Variants in LONP2 observed in about 807,000 individuals in gnomAD.
The protein encoded by LONP2 is lon peptidase 2, peroxisomal, also known as lon protease homolog 2, peroxisomal.
A neutral mutation model predicts 85.6 loss-of-function variants in LONP2; 60 were observed. That is an observed-to-expected ratio of 0.70 (90% CI 0.57 to 0.87). The LOEUF (loss-of-function observed/expected upper bound fraction) is 0.87. Ranked by LOEUF, LONP2 falls within the 40% of genes least tolerant of loss-of-function variation. The pLI is 0.00. For missense variants in LONP2, 860 were observed against 1,063.5 expected, an observed-to-expected ratio of 0.81 and a Z score of 2.66; for synonymous variants, 395 against 389.7, an observed-to-expected ratio of 1.01 and a Z score of -0.16.
At chr16:48,329,944 T>C (rs1450685557) in intron 11 of LONP2, among the ~76,000 whole-genome samples, 1 of 152,228 alleles carries the variant, frequency 6.6e-6, no homozygotes, top group Non-Finnish European at 1.5e-5. Flanking sequence ...CCTGTACTTT[T>C]GTGTATTTCC....
chr16:48,263,126 C>T (rs1320409793), intron 6 of LONP2, among the ~76,000 whole-genome samples: 2 of 152,098 alleles, frequency 1.3e-5, no homozygotes, highest in Non-Finnish European at 2.9e-5. Flanking sequence ...TAAACATATC[C>T]GTCACCTCCA....
chr16:48,320,457 A>C (rs1242836554), intron 11 of LONP2, among the ~76,000 whole-genome samples: 3 of 152,108 alleles, frequency 2.0e-5, no homozygotes, highest in African/African-American at 7.2e-5. Flanking sequence ...GCACTGGCTC[A>C]TTGGTACTAA....
intron 8 of LONP2, among the ~76,000 whole-genome samples, chr16:48,291,496 T>G (rs1414625611): frequency 6.6e-6 from 1 of 152,228 alleles, no homozygotes; most frequent in African/African-American, 2.4e-5. Context: ...CCTCCCACGG[T>G]TCATCCCATT....
chr16:48,319,016 C>CAT (rs1046362968), intron 11 of LONP2, among the ~76,000 whole-genome samples: 1 of 150,688 alleles, frequency 6.6e-6, no homozygotes, highest in African/African-American at 2.4e-5. Context: ...AAATCTGAAA[C>CAT]ATATCCATTC....
intron 1 of LONP2, among the ~76,000 whole-genome samples, chr16:48,246,339 C>G (rs80041166): frequency 8.9e-4 from 135 of 152,310 alleles, no homozygotes; most frequent in Non-Finnish European, 1.8e-3. Context: ...ACATACGACT[C>G]TGCTCCTTCT....
intron 1 of LONP2, among the ~76,000 whole-genome samples, chr16:48,247,098 G>A (rs1971431803): frequency 6.6e-6 from 1 of 152,296 alleles, no homozygotes; most frequent in African/African-American, 2.4e-5. Flanking sequence ...AGACCATCTA[G>A]TTATCCTAGA....
At chr16:48,288,142 GTCT>G (rs1175864782) in intron 8 of LONP2, among the ~76,000 whole-genome samples, 6 of 147,624 alleles carry the variant, frequency 4.1e-5, no homozygotes, top group African/African-American at 9.9e-5. Context: ...GAATGTATTA[GTCT>G]TCTTCTTTTT....
chr16:48,258,781 A>G, intron 4 of LONP2, 41 bp downstream of exon 4: 7 of 1,555,544 alleles, frequency 4.5e-6, no homozygotes, highest in Middle Eastern at 1.7e-4. Context: ...TGAAAAAAAA[A>G]TAAGGAGAAT....
intron 10 of LONP2, among the ~76,000 whole-genome samples, chr16:48,300,092 G>A (rs895722149): frequency 1.3e-5 from 2 of 152,200 alleles, no homozygotes; most frequent in African/African-American, 4.8e-5. Flanking sequence ...TGCCACAATA[G>A]CAATATAAGG....
At chr16:48,316,641 A>G (rs771791251) in intron 11 of LONP2, among the ~76,000 whole-genome samples, 3 of 152,064 alleles carry the variant, frequency 2.0e-5, no homozygotes, top group Non-Finnish European at 4.4e-5. Context: ...TTCTTTGTAT[A>G]TATATGGACT....
At chr16:48,272,683 A>G (rs1223450904) in intron 7 of LONP2, among the ~76,000 whole-genome samples, 1 of 152,176 alleles carries the variant, frequency 6.6e-6, no homozygotes, top group Non-Finnish European at 1.5e-5. Context: ...CATTCTATTC[A>G]GCCTGATTTT....
intron 11 of LONP2, among the ~76,000 whole-genome samples, chr16:48,328,268 G>A (rs1045035431): frequency 9.2e-5 from 14 of 152,012 alleles, no homozygotes; most frequent in African/African-American, 3.4e-4. Flanking sequence ...AAATTGGGCC[G>A]GGCGCGGTGG....
At chr16:48,284,501 C>T (rs1331611374) in intron 8 of LONP2, among the ~76,000 whole-genome samples, 1 of 152,106 alleles carries the variant, frequency 6.6e-6, no homozygotes, top group Non-Finnish European at 1.5e-5. Flanking sequence ...AGTCATCAAC[C>T]ATTAATATTG....
At chr16:48,336,273 G>C in intron 12 of LONP2, 1 of 443,382 alleles carries the variant, frequency 2.3e-6, no homozygotes, top group Non-Finnish European at 4.5e-6. Context: ...CTGCTTACCA[G>C]TTATCCTTGT....
At chr16:48,359,715 T>C (rs1960504670), downstream of LONP2, among the ~76,000 whole-genome samples, 2 of 150,694 alleles carry the variant, frequency 1.3e-5, no homozygotes, top group Admixed American at 1.3e-4. Context: ...AAACTCCGTC[T>C]CAAAAAAAAA....
At chr16:48,339,112 G>C (rs1959741335) in intron 12 of LONP2, among the ~76,000 whole-genome samples, 1 of 152,134 alleles carries the variant, frequency 6.6e-6, no homozygotes, top group African/African-American at 2.4e-5. Context: ...TAGTCTAGAA[G>C]CAAGCCCTGA....
At position 48,274,722 on chromosome 16, in the gene LONP2, GA is replaced by G. The variant is rs939012855; in HGVS notation, c.1242-2610del. ...TGGTAGAAAATGTGAAAAATAAGGG[GA>G]AAAAATCCTCATGTTTTTCTACCGT... On this transcript the variant is annotated intron_variant, in intron 7 of 14. Transcript: ENST00000285737. 1.1e-3 allele frequency among the ~76,000 whole-genome samples: 161 copies of G among 151,804 alleles called. 5 individuals carry two copies. The highest frequency in any genetic ancestry group is 6.6e-5 in the Admixed American group (1 of 15,218).
chr16:48,262,832 G>A lies in LONP2; in HGVS notation c.942G>A (p.Leu314=). The change falls in exon 6 of 15, where the codon TTG becomes TTA. Residue 314 remains leucine, a synonymous_variant. Transcript: ENST00000285737. ...AATATGCTCTGACTAGAAATTATTT[G>A]GAACTTATGGTAGAACTTCCTTGGA... is the stretch of plus-strand genomic sequence containing the variant. ...MPEYALTRNY[L]ELMVELPWNK... The A allele has an allele frequency of 1.2e-6, 2 of 1,611,336 alleles. No individual in the cohort carries two copies. The highest frequency in any genetic ancestry group is 1.7e-6 in the Non-Finnish European group (2 of 1,178,616).
intron 1 of LONP2, 124 bp downstream of exon 1, chr16:48,244,745 C>T (rs750803197): frequency 1.7e-6 from 1 of 597,512 alleles, no homozygotes. Flanking sequence ...CTCGGTTCCG[C>T]CTCTCTGGTG....
Sources: allele counts gnomAD v4.1 joint callset (sites outside exome capture counted in the v4.1 genomes callset), GRCh38; gene constraint gnomAD v4.1.1; transcripts MANE v1.5; gene names NCBI Gene and HGNC (gene_info 2026-07-23, HGNC 2026-07-21).